CD276: variants seen among roughly 807,000 people sequenced by gnomAD.
The protein encoded by CD276 is CD276 antigen.
In CD276, 34 loss-of-function variants were observed where a neutral mutation model predicts 50.0. That is an observed-to-expected ratio of 0.68 (90% CI 0.52 to 0.91). The LOEUF is 0.91. Among genes scored for constraint, CD276 ranks in the 40% least tolerant of loss-of-function variants. The probability of loss-of-function intolerance (pLI) is 0.00; values close to 1 mark genes in which losing one functional copy is unlikely to be tolerated. For missense variants in CD276, 634 were observed against 717.5 expected (o/e 0.88, Z 1.33); for synonymous variants, 275 against 313.0 (o/e 0.88, Z 1.28).
chr15:73,686,389 G>C (rs1406270899), intron 1 of CD276: 1 of 669,252 alleles, frequency 1.5e-6, no homozygotes, highest in Non-Finnish European at 1.8e-6. Context: ...CCCCTCTTCA[G>C]CTCTGTCCAG....
intron 1 of CD276, chr15:73,686,222 A>T (rs764364597): frequency 1.0e-4 from 85 of 811,398 alleles, no homozygotes; most frequent in Non-Finnish European, 1.2e-4. Flanking sequence ...TCCTTATGGC[A>T]TTACTGGTGG....
chr15:73,712,569 C>T (rs932775013), intron 9 of CD276, among the ~76,000 whole-genome samples: 1 of 152,164 alleles, frequency 6.6e-6, no homozygotes, highest in Non-Finnish European at 1.5e-5. Context: ...GCCTGCTGGA[C>T]GAGGGAGTTG....
upstream of CD276, chr15:73,684,365 G>C (rs927828454): frequency 6.6e-6 from 1 of 151,720 alleles, no homozygotes; most frequent in Non-Finnish European, 1.5e-5. Context: ...CGGACTCCCC[G>C]GGCCGCCCCC....
chr15:73,698,816 C>T (rs1234998784), intron 1 of CD276, among the ~76,000 whole-genome samples: 1 of 152,210 alleles, frequency 6.6e-6, no homozygotes, highest in Non-Finnish European at 1.5e-5. Context: ...CCTGCCTCAG[C>T]CTCCCAAAGT....
chr15:73,713,027 G>A lies in CD276; in HGVS notation c.*71G>A. ...TCTGGCTGCAATGGGGCTGCACTGTGAGCCCTGCCCCCAACAGATGCATCC... is the reference window on the plus strand; with the variant it reads ...TCTGGCTGCAATGGGGCTGCACTGTAAGCCCTGCCCCCAACAGATGCATCC... On this transcript the variant is annotated 3_prime_UTR_variant, in exon 10 of 10. Coordinates refer to ENST00000318443, the MANE Select transcript of CD276 (RefSeq NM_001024736.2). 1.4e-6 allele frequency: 2 copies of A among 1,436,638 alleles called. No individual in the cohort carries two copies. The highest frequency in any genetic ancestry group is 1.9e-6 in the Non-Finnish European group (2 of 1,028,010). The allele number at this position is 1,436,638 out of a possible 1,614,324, so 89.0% of individuals were successfully genotyped here.
At chr15:73,692,072 TCCTCTCCTGAGTCTCAG>T in intron 1 of CD276, among the ~76,000 whole-genome samples, 1 of 152,250 alleles carries the variant, frequency 6.6e-6, no homozygotes, top group Admixed American at 6.5e-5. Flanking sequence ...CTCCCTTGCC[TCCTCTCCTGAGTCTCAG>T]CCTCTCCTGG....
chr15:73,703,068 C>T lies in CD276; in HGVS notation c.715C>T (p.Pro239Ser), dbSNP rs772535341. ...TGCGCACAGCTCTGTCACCATCACACCCCAGAGAAGCCCCACAGGTTGCTT... is the reference window on the plus strand; with the variant it reads ...TGCGCACAGCTCTGTCACCATCACATCCCAGAGAAGCCCCACAGGTTGCTT... Reference protein sequence around the residue: ...QDAHSSVTITPQRSPTGAVEV... With the variant: ...QDAHSSVTITSQRSPTGAVEV... Residue 239 changes from proline to serine, a missense_variant, in exon 4 of 10, where the codon CCC becomes TCC. Physicochemically the swap from Pro to Ser is moderately conservative, Grantham distance 74. Coordinates refer to ENST00000318443, the MANE Select transcript of CD276 (RefSeq NM_001024736.2). 1.4e-5 allele frequency: 22 copies of T among 1,604,752 alleles called. No individual in the cohort carries two copies. The highest frequency in any genetic ancestry group is 1.6e-4 in the Middle Eastern group (1 of 6,064).
intron 8 of CD276, among the ~76,000 whole-genome samples, 188 bp from the exon 9 acceptor site, chr15:73,710,947 G>A (rs1900874725): frequency 6.6e-6 from 1 of 152,196 alleles, no homozygotes. Context: ...AAGCCACAGA[G>A]TGGAACTGGG....
intron 2 of CD276, among the ~76,000 whole-genome samples, chr15:73,700,151 G>A (rs779405094): frequency 7.2e-5 from 11 of 152,128 alleles, no homozygotes; most frequent in Middle Eastern, 3.4e-3. Context: ...GCCTCCCTGC[G>A]TTATTCTGCC....
At position 73,713,092 on chromosome 15, in the gene CD276, C is replaced by A; in HGVS notation, c.*136C>A. On this transcript the variant is annotated 3_prime_UTR_variant, in exon 10 of 10. Coordinates refer to ENST00000318443, the MANE Select transcript of CD276 (RefSeq NM_001024736.2). Reference sequence around the variant, plus strand: ...GGCTCCTTCTCCAAAGGATGCGATACACAGACCACTGTGCAGCCTTATTTC... The same window carrying A: ...GGCTCCTTCTCCAAAGGATGCGATAAACAGACCACTGTGCAGCCTTATTTC... The A allele has an allele frequency of 1.4e-6, 1 of 703,998 alleles. No homozygotes were observed. The highest frequency in any genetic ancestry group is 2.4e-6 in the Non-Finnish European group (1 of 419,392). 43.6% of individuals were successfully genotyped at this position (703,998 alleles called of 1,614,324 possible).
At chr15:73,703,143 G>A (rs1900485906) in intron 4 of CD276, 57 bp downstream of exon 4, 2 of 1,512,838 alleles carry the variant, frequency 1.3e-6, no homozygotes, top group Admixed American at 2.0e-5. Context: ...GTCGGCAGGG[G>A]TTGGGAGCTC....
intron 9 of CD276, chr15:73,712,114 C>T (rs536174258): frequency 2.8e-5 from 4 of 141,148 alleles, no homozygotes; most frequent in Admixed American, 7.9e-5. Flanking sequence ...GAGATTGCAC[C>T]TGTGCACTCC....
chr15:73,687,903 C>T lies in CD276; in HGVS notation c.-55+3443C>T, dbSNP rs925755235. Among the ~76,000 whole-genome samples the T allele has an allele frequency of 3.3e-5, 5 of 152,112 alleles. No individual in the cohort carries two copies. Among genetic ancestry groups the T allele is most frequent in the Non-Finnish European group, 5.9e-5 (4 of 68,000 alleles). Reference sequence around the variant, plus strand: ...GTCCCAAGTTACCCTAGAGGCAATGCAGGCTCCTAGGAACTGGGGCTGCCT... The same window carrying T: ...GTCCCAAGTTACCCTAGAGGCAATGTAGGCTCCTAGGAACTGGGGCTGCCT... On this transcript the variant is annotated intron_variant, in intron 1 of 9. Transcript: ENST00000318443. This position sits in a 1 kb window ranked among gnomAD's most constrained non-coding sequence, Gnocchi z 4.0.
chr15:73,708,796 G>T, intron 7 of CD276: 1 of 377,788 alleles, frequency 2.6e-6, no homozygotes, highest in Non-Finnish European at 5.0e-6. Flanking sequence ...TCAGTCACGT[G>T]TGTGTGAGAG....
intron 2 of CD276, among the ~76,000 whole-genome samples, chr15:73,700,699 T>C (rs1245540344): frequency 6.6e-6 from 1 of 152,130 alleles, no homozygotes; most frequent in Non-Finnish European, 1.5e-5. Context: ...ACAATAAAAA[T>C]AATAACCATA....
chr15:73,695,672 T>C (rs1900148178), intron 1 of CD276, among the ~76,000 whole-genome samples: 1 of 152,148 alleles, frequency 6.6e-6, no homozygotes, highest in Non-Finnish European at 1.5e-5. Context: ...TTGCAGACAA[T>C]AGAAACTTAG....
At chr15:73,691,358 G>C (rs1899982144) in intron 1 of CD276, among the ~76,000 whole-genome samples, 2 of 152,128 alleles carry the variant, frequency 1.3e-5, no homozygotes, top group Non-Finnish European at 2.9e-5. Flanking sequence ...CTGTTCATTT[G>C]TTTGGATCAA....
At chr15:73,710,588 C>T (rs761533621) in intron 8 of CD276, among the ~76,000 whole-genome samples, 4 of 152,240 alleles carry the variant, frequency 2.6e-5, no homozygotes, top group Non-Finnish European at 5.9e-5. Flanking sequence ...AGGAGATTGA[C>T]ACTTGGGGAC....
At chr15:73,693,689 G>T (rs897198261) in intron 1 of CD276, among the ~76,000 whole-genome samples, 1 of 152,142 alleles carries the variant, frequency 6.6e-6, no homozygotes, top group African/African-American at 2.4e-5. Flanking sequence ...TCAAATACTT[G>T]CAGGGCTTTG....
Sources: allele counts gnomAD v4.1 joint callset (sites outside exome capture counted in the v4.1 genomes callset), GRCh38; gene constraint gnomAD v4.1.1; non-coding constraint Gnocchi (gnomAD v3.1); transcripts MANE v1.5; gene names NCBI Gene and HGNC (gene_info 2026-07-23, HGNC 2026-07-21).